Variants in ESRRG observed in about 807,000 individuals in gnomAD.
The protein encoded by ESRRG is estrogen-related receptor gamma.
Under a neutral mutation model 44.0 loss-of-function variants are expected in ESRRG, and 13 were observed. The observed-to-expected ratio is 0.30, with a 90% CI of 0.19 to 0.47. The LOEUF (loss-of-function observed/expected upper bound fraction) is 0.47. Among genes scored for constraint, ESRRG ranks in the 20% least tolerant of loss-of-function variants. The probability of loss-of-function intolerance (pLI) is 1.00; values close to 1 mark genes in which losing one functional copy is unlikely to be tolerated. For synonymous variants in ESRRG, 215 were observed against 214.6 expected (o/e 1.00, Z -0.02); for missense variants, 395 against 580.6 (o/e 0.68, Z 3.29).
chr1:216,635,004 C>G (rs1213180975), intron 3 of ESRRG, among the ~76,000 whole-genome samples: 1 of 152,242 alleles, frequency 6.6e-6, no homozygotes, highest in East Asian at 1.9e-4. Flanking sequence ...TTTGCTCTCT[C>G]TCTCTCTACT....
intron 1 of ESRRG, among the ~76,000 whole-genome samples, chr1:217,021,216 G>A (rs746258922): frequency 2.6e-5 from 4 of 152,090 alleles, no homozygotes; most frequent in Admixed American, 6.6e-5. Context: ...ATTGTTAGTG[G>A]GACTAGCTGG....
chr1:217,058,909 A>C (rs578070001), intron 1 of ESRRG, among the ~76,000 whole-genome samples: 8 of 149,150 alleles, frequency 5.4e-5, no homozygotes, highest in African/African-American at 1.5e-4. Context: ...ATATAGAATA[A>C]ACTATATAAA....
At chr1:216,984,206 A>AAT (rs1199150672) in intron 1 of ESRRG, among the ~76,000 whole-genome samples, 1 of 152,166 alleles carries the variant, frequency 6.6e-6, no homozygotes, top group African/African-American at 2.4e-5. Context: ...CCCTGGCAGG[A>AAT]ATATACTCTT....
intron 5 of ESRRG, among the ~76,000 whole-genome samples, chr1:216,545,419 C>G (rs1265738840): frequency 6.6e-6 from 1 of 151,672 alleles, no homozygotes; most frequent in Non-Finnish European, 1.5e-5. Context: ...TGTAACATAC[C>G]CACCCCAATG....
At position 216,827,225 on chromosome 1, in the gene ESRRG, T is replaced by G. The variant is rs1165829228; in HGVS notation, c.-14+112357A>C. ...TTATATTGTTACTAAAAGAATTAGT[T>G]TAAAAATAACAGTGATATACTGATC... On this transcript the variant is annotated intron_variant, in intron 2 of 7. Coordinates refer to the ESRRG transcript ENST00000359162. 2.0e-5 allele frequency among the ~76,000 whole-genome samples: 3 copies of G among 152,218 alleles called. No homozygotes were observed. The South Asian group carries it at 6.2e-4, about 32-fold the overall frequency.
At chr1:216,865,378 C>T (rs1169125389) in intron 2 of ESRRG, among the ~76,000 whole-genome samples, 2 of 151,834 alleles carry the variant, frequency 1.3e-5, no homozygotes, top group Non-Finnish European at 2.9e-5. Flanking sequence ...GAACATTGCT[C>T]AGGTAGTTAA....
chr1:216,916,602 A>G (rs1260229865), intron 2 of ESRRG, among the ~76,000 whole-genome samples: 1 of 152,164 alleles, frequency 6.6e-6, no homozygotes, highest in Non-Finnish European at 1.5e-5. Context: ...GATGGGTCCT[A>G]TACCACTGCT....
rs538851855 is a variant in ESRRG at position 216,574,720 on chromosome 1, A to G, written c.590-6622T>C. On this transcript the variant is annotated intron_variant, in intron 3 of 6. Transcript: ENST00000408911. The stretch of plus-strand genomic sequence containing the variant: ...TCACATTAAAGTAATAATAATTTTG[A>G]AAAGATCGTTAATGAACACTACAAT... Among the ~76,000 whole-genome samples, 23 of 152,246 alleles carry G rather than the reference A, an allele frequency of 1.5e-4. No individual in the cohort carries two copies. The South Asian group carries it at 4.8e-3, about 32-fold the overall frequency.
intron 1 of ESRRG, among the ~76,000 whole-genome samples, chr1:217,039,780 G>A (rs2083513905): frequency 6.6e-6 from 1 of 152,142 alleles, no homozygotes; most frequent in African/African-American, 2.4e-5. Context: ...CTTTTGATAT[G>A]TTTTCAAATT....
At chr1:216,655,089 C>G (rs2070114485) in intron 2 of ESRRG, among the ~76,000 whole-genome samples, 1 of 152,160 alleles carries the variant, frequency 6.6e-6, no homozygotes, top group Non-Finnish European at 1.5e-5. Context: ...TCCTTTCTAT[C>G]CATTACATTC....
At chr1:217,026,405 A>T (rs2081182302) in intron 1 of ESRRG, among the ~76,000 whole-genome samples, 1 of 152,228 alleles carries the variant, frequency 6.6e-6, no homozygotes, top group East Asian at 1.9e-4. Context: ...AGAGTTTTGA[A>T]GACACCACTC....
chr1:216,873,203 T>G lies in ESRRG; in HGVS notation c.-14+66379A>C, dbSNP rs551725741. On this transcript the variant is annotated intron_variant, in intron 2 of 7. Coordinates refer to the ESRRG transcript ENST00000359162. ...GGGAGCCCAGGAGTTCATAAACATC[T>G]TTTCAGTTTTTTTTTTTTTTTTTTT... 6.5e-5 allele frequency among the ~76,000 whole-genome samples: 8 copies of G among 122,662 alleles called. No homozygotes were observed. In the South Asian group the frequency reaches 1.6e-3, roughly 24 times the overall value. The allele number at this position is 122,662 out of a possible 152,430, so 80.5% of individuals were successfully genotyped here.
At chr1:216,674,262 C>T (rs1190546311) in intron 2 of ESRRG, among the ~76,000 whole-genome samples, 1 of 152,066 alleles carries the variant, frequency 6.6e-6, no homozygotes, top group Non-Finnish European at 1.5e-5. Context: ...TGATGAAAAG[C>T]CTTGTGCACA....
At chr1:216,649,575 A>T (rs1218446152) in intron 3 of ESRRG, among the ~76,000 whole-genome samples, 1 of 151,784 alleles carries the variant, frequency 6.6e-6, no homozygotes, top group African/African-American at 2.4e-5. Flanking sequence ...CTATTAATAA[A>T]CTTGTTCTTA....
intron 1 of ESRRG, among the ~76,000 whole-genome samples, chr1:216,705,707 G>C (rs956477137): frequency 6.6e-6 from 1 of 152,182 alleles, no homozygotes; most frequent in Admixed American, 6.5e-5. Flanking sequence ...GGTTCTTTCA[G>C]ATCCTTCCCC....
intron 1 of ESRRG, among the ~76,000 whole-genome samples, chr1:216,980,629 C>T (rs1298764297): frequency 2.6e-5 from 4 of 152,064 alleles, no homozygotes; most frequent in Non-Finnish European, 5.9e-5. Context: ...TTGACTGCTC[C>T]CCCACCCATT....
chr1:216,639,099 G>A (rs2065881069), intron 3 of ESRRG, among the ~76,000 whole-genome samples: 1 of 152,120 alleles, frequency 6.6e-6, no homozygotes, highest in African/African-American at 2.4e-5. Flanking sequence ...TAGGCCTGGA[G>A]ACAAATGTCT....
At chr1:217,053,386 T>C (rs557904802) in intron 1 of ESRRG, among the ~76,000 whole-genome samples, 2 of 151,338 alleles carry the variant, frequency 1.3e-5, no homozygotes, top group South Asian at 2.1e-4. Context: ...ACCTAGGAGA[T>C]AGAGGTTGCA....
At chr1:217,077,285 A>G (rs1289251931) in intron 1 of ESRRG, among the ~76,000 whole-genome samples, 1 of 152,204 alleles carries the variant, frequency 6.6e-6, no homozygotes, top group Non-Finnish European at 1.5e-5. Flanking sequence ...AGAGAAATTA[A>G]TCTCATAAAC....
Sources: gnomAD v4.1 joint callset for allele counts (sites outside exome capture counted in the v4.1 genomes callset) on GRCh38, gnomAD v4.1.1 for gene constraint, MANE v1.5 for transcripts, NCBI Gene and HGNC (gene_info 2026-07-23, HGNC 2026-07-21) for gene names.